GRIK2: variants seen among roughly 807,000 people sequenced by gnomAD.
GRIK2 encodes the protein glutamate ionotropic receptor kainate type subunit 2, also known as glutamate receptor ionotropic, kainate 2.
In GRIK2, 32 loss-of-function variants were observed where a neutral mutation model predicts 100.3. The observed-to-expected ratio is 0.32, with a 90% CI of 0.24 to 0.43. The LOEUF (loss-of-function observed/expected upper bound fraction) is 0.43, where lower values mean the gene tolerates loss of function less well. Ranked by LOEUF, GRIK2 falls within the 20% of genes least tolerant of loss-of-function variation. The probability of loss-of-function intolerance (pLI) is 1.00; values close to 1 mark genes in which losing one functional copy is unlikely to be tolerated. For missense variants in GRIK2, 843 were observed against 1,114.9 expected, an observed-to-expected ratio of 0.76 and a Z score of 3.47; for synonymous variants, 417 against 389.4, an observed-to-expected ratio of 1.07 and a Z score of -0.83.
chr6:101,747,149 A>G (rs552265439), intron 7 of GRIK2, among the ~76,000 whole-genome samples: 16 of 152,320 alleles, frequency 1.1e-4, no homozygotes, highest in African/African-American at 3.6e-4. Flanking sequence ...GCCACCATCT[A>G]TATAACCAGC....
intron 14 of GRIK2, among the ~76,000 whole-genome samples, chr6:102,020,654 T>C (rs918729022): frequency 1.3e-5 from 2 of 151,856 alleles, no homozygotes; most frequent in African/African-American, 2.4e-5. Context: ...AAGAAGTTCA[T>C]AGATGTGCCT....
chr6:102,051,457 C>A (rs987240334), intron 15 of GRIK2, among the ~76,000 whole-genome samples: 1 of 151,978 alleles, frequency 6.6e-6, no homozygotes, highest in Admixed American at 6.6e-5. Flanking sequence ...CTGAGAGCAG[C>A]GATATAGAAA....
intron 10 of GRIK2, among the ~76,000 whole-genome samples, chr6:101,824,262 T>C (rs975295697): frequency 2.3e-4 from 35 of 152,092 alleles, no homozygotes; most frequent in African/African-American, 8.5e-4. Context: ...TACCCAATTT[T>C]GCAGTCTTTT....
intron 5 of GRIK2, among the ~76,000 whole-genome samples, chr6:101,682,065 TAAG>T (rs1205114608): frequency 6.6e-6 from 1 of 152,224 alleles, no homozygotes; most frequent in Admixed American, 6.5e-5. Flanking sequence ...AATTTTTAAA[TAAG>T]AGTGGTAATT....
intron 14 of GRIK2, among the ~76,000 whole-genome samples, chr6:101,992,485 G>C (rs371261189): frequency 6.6e-6 from 1 of 151,602 alleles, no homozygotes. Flanking sequence ...TAATGAGCCC[G>C]TCAAAGCAAA....
intron 2 of GRIK2, among the ~76,000 whole-genome samples, chr6:101,439,394 C>G (rs1301080751): frequency 6.6e-6 from 1 of 152,084 alleles, no homozygotes; most frequent in African/African-American, 2.4e-5. Flanking sequence ...AATGAAGCTT[C>G]AAAGTCTTCA....
chr6:101,509,746 G>C (rs952037932), intron 2 of GRIK2, among the ~76,000 whole-genome samples: 1 of 152,132 alleles, frequency 6.6e-6, no homozygotes, highest in Non-Finnish European at 1.5e-5. Flanking sequence ...CAAATAGAAA[G>C]CAACACATGG....
chr6:101,496,536 A>G (rs1233986276), intron 2 of GRIK2, among the ~76,000 whole-genome samples: 1 of 152,204 alleles, frequency 6.6e-6, no homozygotes, highest in East Asian at 1.9e-4. Flanking sequence ...TATGCATGAT[A>G]TATATTTTGT....
intron 2 of GRIK2, among the ~76,000 whole-genome samples, chr6:101,576,587 T>C (rs1777798578): frequency 7.1e-6 from 1 of 140,036 alleles, no homozygotes; most frequent in African/African-American, 3.2e-5. Flanking sequence ...TCTAAGGTGA[T>C]ACACATGGCA....
At chr6:101,829,715 C>G (rs892162108) in intron 10 of GRIK2, among the ~76,000 whole-genome samples, 1 of 151,732 alleles carries the variant, frequency 6.6e-6, no homozygotes, top group Non-Finnish European at 1.5e-5. Flanking sequence ...ATGAGGAGCA[C>G]TAAAGACAAA....
chr6:101,844,685 G>A (rs1177738812), intron 10 of GRIK2, among the ~76,000 whole-genome samples: 1 of 152,078 alleles, frequency 6.6e-6, no homozygotes, highest in Non-Finnish European at 1.5e-5. Flanking sequence ...CATATAAATA[G>A]CCCATTATTA....
At chr6:101,939,884 G>A (rs976486371) in intron 14 of GRIK2, among the ~76,000 whole-genome samples, 3 of 152,106 alleles carry the variant, frequency 2.0e-5, no homozygotes, top group South Asian at 2.1e-4. Flanking sequence ...TTATGACTGA[G>A]TGAAATGAAT....
At chr6:101,487,197 TTTA>T (rs1207996401) in intron 2 of GRIK2, among the ~76,000 whole-genome samples, 4 of 146,696 alleles carry the variant, frequency 2.7e-5, no homozygotes, top group Non-Finnish European at 4.5e-5. Flanking sequence ...TCATGTAACA[TTTA>T]TTGTTTAATA....
chr6:101,555,593 G>A (rs1245229348), intron 2 of GRIK2, among the ~76,000 whole-genome samples: 2 of 152,014 alleles, frequency 1.3e-5, no homozygotes, highest in Non-Finnish European at 2.9e-5. Flanking sequence ...TCTTTCTATT[G>A]GGTACATTAT....
chr6:101,711,865 T>A (rs1773720552), intron 7 of GRIK2, among the ~76,000 whole-genome samples: 1 of 151,764 alleles, frequency 6.6e-6, no homozygotes, highest in Non-Finnish European at 1.5e-5. Context: ...TAAATAACAT[T>A]TTTTTCCTCA....
intron 7 of GRIK2, among the ~76,000 whole-genome samples, chr6:101,716,377 T>A (rs1439310820): frequency 1.3e-5 from 2 of 151,660 alleles, no homozygotes; most frequent in African/African-American, 2.4e-5. Context: ...GTAAATACTA[T>A]CTATGAATTC....
chr6:101,995,931 C>A (rs1457425758), intron 14 of GRIK2, among the ~76,000 whole-genome samples: 4 of 151,942 alleles, frequency 2.6e-5, no homozygotes, highest in African/African-American at 9.7e-5. Context: ...TTATACAATT[C>A]TATTTAGATA....
intron 12 of GRIK2, among the ~76,000 whole-genome samples, chr6:101,898,871 T>C (rs7752038): frequency 0.16 from 23,635 of 151,934 alleles, 2,084 homozygotes; most frequent in Middle Eastern, 0.23. Flanking sequence ...ATAAATCACA[T>C]CTTTCTTTAT....
chr6:102,065,868 G>C (rs1771992751), intron 16 of GRIK2: 1 of 1,463,526 alleles, frequency 6.8e-7, no homozygotes, highest in African/African-American at 1.5e-5. Context: ...TTTCTACAGT[G>C]TTGTCATCAT....
Sources: gnomAD v4.1 joint callset for allele counts (sites outside exome capture counted in the v4.1 genomes callset) on GRCh38, gnomAD v4.1.1 for gene constraint, MANE v1.5 for transcripts, NCBI Gene and HGNC (gene_info 2026-07-23, HGNC 2026-07-21) for gene names.